NFATC2: variants seen among roughly 807,000 people sequenced by gnomAD.
The protein encoded by NFATC2 is nuclear factor of activated T-cells, cytoplasmic 2.
A neutral mutation model predicts 87.3 loss-of-function variants in NFATC2; 22 were observed. That is an observed-to-expected ratio of 0.25 (90% CI 0.18 to 0.36). The LOEUF is 0.36. Among genes scored for constraint, NFATC2 ranks in the 10% least tolerant of loss-of-function variants. The pLI is 1.00. For missense variants in NFATC2, 1,149 were observed against 1,259.1 expected (o/e 0.91, Z 1.32); for synonymous variants, 565 against 542.2 (o/e 1.04, Z -0.58).
chr20:51,431,596 T>C (rs4811174), intron 9 of NFATC2, among the ~76,000 whole-genome samples: 67,317 of 152,100 alleles, frequency 0.44, 16,314 homozygotes, highest in South Asian at 0.54. Context: ...CACTTTTCAA[T>C]GAGCTTTCTT....
intron 3 of NFATC2, among the ~76,000 whole-genome samples, chr20:51,504,963 AGTTCACTCCAG>A (rs1260963916): frequency 7.0e-6 from 1 of 142,128 alleles, no homozygotes; most frequent in Non-Finnish European, 1.5e-5. Context: ...CAATAAGAGT[AGTTCACTCCAG>A]GTCATGAAGA....
At chr20:51,489,271 T>A (rs753904505) in intron 3 of NFATC2, among the ~76,000 whole-genome samples, 1 of 152,224 alleles carries the variant, frequency 6.6e-6, no homozygotes, top group Non-Finnish European at 1.5e-5. Flanking sequence ...CCTTTGGCCC[T>A]ATCTCCCTCC....
intron 9 of NFATC2, among the ~76,000 whole-genome samples, chr20:51,422,043 C>T (rs1342145128): frequency 6.6e-6 from 1 of 152,226 alleles, no homozygotes. Flanking sequence ...AGAACCTCTA[C>T]TTTGCCCAGA....
intron 1 of NFATC2, among the ~76,000 whole-genome samples, chr20:51,554,432 AC>A (rs1338268826): frequency 6.6e-6 from 1 of 152,216 alleles, no homozygotes; most frequent in African/African-American, 2.4e-5. Flanking sequence ...TCAGGACCCT[AC>A]AGAAAAGACC....
intron 10 of NFATC2, among the ~76,000 whole-genome samples, chr20:51,393,772 GTGAGA>G (rs1232591345): frequency 6.6e-6 from 1 of 152,214 alleles, no homozygotes; most frequent in African/African-American, 2.4e-5. Flanking sequence ...AACCTAGGAA[GTGAGA>G]GGAGGGGATC....
At chr20:51,547,455 G>A (rs2076898493), upstream of NFATC2, among the ~76,000 whole-genome samples, 2 of 152,094 alleles carry the variant, frequency 1.3e-5, no homozygotes, top group Non-Finnish European at 2.9e-5. Context: ...ACCCAAGGTG[G>A]CTCTGCGTCC....
At chr20:51,535,490 C>T (rs1203648204) in intron 1 of NFATC2, among the ~76,000 whole-genome samples, 6 of 152,246 alleles carry the variant, frequency 3.9e-5, no homozygotes, top group Non-Finnish European at 7.3e-5. Flanking sequence ...GCCTTCTTGA[C>T]TGACAGCTTC....
chr20:51,435,828 T>C, intron 6 of NFATC2, 67 bp from the exon 7 acceptor site: 2 of 1,334,128 alleles, frequency 1.5e-6, no homozygotes, highest in Non-Finnish European at 2.1e-6. Flanking sequence ...AGACAAAAAC[T>C]CACCAACTTC....
chr20:51,505,360 CTAAAAA>C (rs1007714774), intron 3 of NFATC2, among the ~76,000 whole-genome samples: 14 of 151,038 alleles, frequency 9.3e-5, no homozygotes, highest in African/African-American at 3.4e-4. Flanking sequence ...CATTAAAGAG[CTAAAAA>C]TAAAGTAAAA....
At chr20:51,487,145 T>C (rs1168597133) in intron 3 of NFATC2, among the ~76,000 whole-genome samples, 2 of 152,166 alleles carry the variant, frequency 1.3e-5, no homozygotes, top group South Asian at 2.1e-4. Context: ...AAACAAGGTA[T>C]CTACTATCTG....
intron 1 of NFATC2, among the ~76,000 whole-genome samples, chr20:51,540,658 G>GTTTTTTTTTTTTTTTT (rs397864888): frequency 4.2e-4 from 46 of 110,052 alleles, no homozygotes; most frequent in East Asian, 1.4e-3. Flanking sequence ...TTTTTTTTTT[G>GTTTTTTTTTTTTTTTT]TTTTTTTTTT....
chr20:51,461,809 C>A (rs2146461451), intron 5 of NFATC2, among the ~76,000 whole-genome samples: 1 of 152,336 alleles, frequency 6.6e-6, no homozygotes, highest in East Asian at 1.9e-4. Flanking sequence ...ACAGAGAGGG[C>A]AGTTTCTGTT....
intron 9 of NFATC2, among the ~76,000 whole-genome samples, chr20:51,426,864 C>T (rs916654368): frequency 7.7e-5 from 8 of 104,316 alleles, no homozygotes; most frequent in Non-Finnish European, 2.0e-4. Context: ...GTGAAATATA[C>T]AGAATGCACT....
intron 9 of NFATC2, among the ~76,000 whole-genome samples, chr20:51,409,982 G>A (rs1024036901): frequency 1.3e-5 from 2 of 152,098 alleles, no homozygotes; most frequent in Non-Finnish European, 2.9e-5. Context: ...AAGCTGAGGT[G>A]GGCGGATCAC....
intron 1 of NFATC2, among the ~76,000 whole-genome samples, chr20:51,542,013 A>G (rs2076826495): frequency 6.6e-6 from 1 of 152,168 alleles, no homozygotes; most frequent in South Asian, 2.1e-4. Flanking sequence ...CCAAAGGCAC[A>G]GAAATCATGT....
intron 3 of NFATC2, among the ~76,000 whole-genome samples, chr20:51,491,232 G>T (rs1183605053): frequency 6.6e-6 from 1 of 151,744 alleles, no homozygotes; most frequent in Non-Finnish European, 1.5e-5. Flanking sequence ...GCTTGGTGAA[G>T]CCATGGCCCT....
At chr20:51,425,733 C>G (rs1201588302) in intron 9 of NFATC2, among the ~76,000 whole-genome samples, 6 of 152,218 alleles carry the variant, frequency 3.9e-5, no homozygotes, top group Non-Finnish European at 7.3e-5. Flanking sequence ...GGGTTCCTTT[C>G]CCTGCTTCCT....
At chr20:51,500,518 G>C (rs2076060202) in intron 3 of NFATC2, among the ~76,000 whole-genome samples, 5 of 151,822 alleles carry the variant, frequency 3.3e-5, no homozygotes, top group South Asian at 4.2e-4. Flanking sequence ...AACTTACAGA[G>C]CCCTACCCAC....
chr20:51,506,818 T>G (rs767091125), intron 3 of NFATC2, among the ~76,000 whole-genome samples: 1 of 152,110 alleles, frequency 6.6e-6, no homozygotes, highest in Non-Finnish European at 1.5e-5. Context: ...TGACAGGTGC[T>G]TAGAAACCCA....
Sources: gnomAD v4.1 joint callset for allele counts (sites outside exome capture counted in the v4.1 genomes callset) on GRCh38, gnomAD v4.1.1 for gene constraint, MANE v1.5 for transcripts, NCBI Gene and HGNC (gene_info 2026-07-23, HGNC 2026-07-21) for gene names.